GNAQ: variants seen among roughly 807,000 people sequenced by gnomAD.
GNAQ encodes G protein subunit alpha q, also known as guanine nucleotide-binding protein G(q) subunit alpha.
In GNAQ, 8 loss-of-function variants were observed where a neutral mutation model predicts 43.9. That is an observed-to-expected ratio of 0.18 (90% CI 0.11 to 0.33). The LOEUF (loss-of-function observed/expected upper bound fraction) is 0.33. Ranked by LOEUF, GNAQ falls within the 10% of genes least tolerant of loss-of-function variation. The probability of loss-of-function intolerance (pLI) is 1.00; values close to 1 mark genes in which losing one functional copy is unlikely to be tolerated. For synonymous variants in GNAQ, 155 were observed against 170.7 expected (o/e 0.91, Z 0.71); for missense variants, 158 against 450.8 (o/e 0.35, Z 5.88).
intron 2 of GNAQ, among the ~76,000 whole-genome samples, chr9:77,871,179 C>G (rs942006671): frequency 1.3e-5 from 2 of 152,194 alleles, no homozygotes; most frequent in Admixed American, 6.5e-5. Flanking sequence ...ATCCATATTA[C>G]AATTACACAT....
intron 1 of GNAQ, among the ~76,000 whole-genome samples, chr9:78,017,147 C>CT (rs2118594529): frequency 6.6e-6 from 1 of 152,260 alleles, no homozygotes; most frequent in East Asian, 1.9e-4. Flanking sequence ...TGGTACTGTG[C>CT]TGATATTTAA....
chr9:77,886,795 T>C (rs1828314199), intron 2 of GNAQ, among the ~76,000 whole-genome samples: 1 of 152,080 alleles, frequency 6.6e-6, no homozygotes. Context: ...GGATACAGCT[T>C]AGCATGTTAG....
intron 3 of GNAQ, among the ~76,000 whole-genome samples, chr9:77,810,236 ATC>A (rs1826898884): frequency 6.6e-6 from 1 of 151,184 alleles, no homozygotes; most frequent in African/African-American, 2.5e-5. Context: ...CTATCTATCT[ATC>A]TATCTATCTA....
intron 2 of GNAQ, among the ~76,000 whole-genome samples, chr9:77,887,899 C>A (rs1035324408): frequency 6.6e-6 from 1 of 152,122 alleles, no homozygotes; most frequent in Non-Finnish European, 1.5e-5. Context: ...CATTATGAGC[C>A]AAGTACTGGC....
intron 5 of GNAQ, among the ~76,000 whole-genome samples, chr9:77,756,386 A>T (rs1825904166): frequency 6.6e-6 from 1 of 152,230 alleles, no homozygotes; most frequent in African/African-American, 2.4e-5. Context: ...GTCTGCCCCT[A>T]TGGCACAGAC....
chr9:77,979,079 T>C (rs1293686180), intron 1 of GNAQ, among the ~76,000 whole-genome samples: 2 of 151,404 alleles, frequency 1.3e-5, no homozygotes, highest in Non-Finnish European at 2.9e-5. Flanking sequence ...AAAATTCGGC[T>C]GGGTGGTGGC....
At chr9:77,829,972 A>C (rs1458611805) in intron 2 of GNAQ, among the ~76,000 whole-genome samples, 1 of 151,604 alleles carries the variant, frequency 6.6e-6, no homozygotes, top group East Asian at 1.9e-4. Context: ...TTTTTTTGAG[A>C]CAGGGTCTTA....
chr9:77,794,366 GAAGT>G lies in GNAQ; in HGVS notation c.735+93_735+96del, dbSNP rs562469964. ...TAAAATCAAATTTCAAGAAAGCAAAGAAGTAAGTTCACTCCATTCCCCACACCCT... is the reference window on the plus strand; with the variant it reads ...TAAAATCAAATTTCAAGAAAGCAAAGAAGTTCACTCCATTCCCCACACCCT... On this transcript the variant is annotated intron_variant, in intron 5 of 6. Coordinates refer to ENST00000286548, the MANE Select transcript of GNAQ (RefSeq NM_002072.5). The G allele has an allele frequency of 4.4e-5, 35 of 793,726 alleles. No homozygotes were observed. The East Asian group carries it at 6.7e-4, about 15-fold the overall frequency. The allele number at this position is 793,726 out of a possible 1,614,324, so 49.2% of individuals were successfully genotyped here.
chr9:77,933,809 A>C (rs1829189778), intron 1 of GNAQ, among the ~76,000 whole-genome samples: 3 of 152,208 alleles, frequency 2.0e-5, no homozygotes, highest in African/African-American at 7.2e-5. Flanking sequence ...CACAGAATTT[A>C]ACATTTTTTT....
At chr9:77,762,852 A>G (rs1826073006) in intron 5 of GNAQ, among the ~76,000 whole-genome samples, 1 of 152,024 alleles carries the variant, frequency 6.6e-6, no homozygotes, top group African/African-American at 2.4e-5. Flanking sequence ...GGTTAAATGG[A>G]TTAAGGGCGG....
intron 1 of GNAQ, among the ~76,000 whole-genome samples, chr9:77,966,322 A>G (rs1406377012): frequency 6.6e-6 from 1 of 152,206 alleles, no homozygotes. Context: ...ACTGAGTATC[A>G]ATTACATCGC....
intron 5 of GNAQ, among the ~76,000 whole-genome samples, chr9:77,761,403 TGAG>T (rs1243330479): frequency 1.7e-5 from 2 of 117,126 alleles, no homozygotes; most frequent in East Asian, 2.9e-4. Flanking sequence ...TACTGGGAAG[TGAG>T]GAGCCCCTCT....
At chr9:77,827,243 C>T (rs527268890) in intron 2 of GNAQ, among the ~76,000 whole-genome samples, 1 of 151,700 alleles carries the variant, frequency 6.6e-6, no homozygotes, top group South Asian at 2.1e-4. Flanking sequence ...TATGGAAATA[C>T]ATGTGCGTGA....
At chr9:78,026,327 T>C (rs1332225078) in intron 1 of GNAQ, among the ~76,000 whole-genome samples, 2 of 152,172 alleles carry the variant, frequency 1.3e-5, no homozygotes, top group African/African-American at 4.8e-5. Context: ...TCCGAAGGCT[T>C]TGTTATACAG....
intron 2 of GNAQ, among the ~76,000 whole-genome samples, chr9:77,896,408 C>A (rs1028878962): frequency 1.3e-5 from 2 of 152,162 alleles, no homozygotes; most frequent in Non-Finnish European, 2.9e-5. Context: ...TTCATTTATT[C>A]TACGTTTTAA....
intron 4 of GNAQ, among the ~76,000 whole-genome samples, chr9:77,797,181 C>T (rs930101382): frequency 2.0e-5 from 3 of 151,920 alleles, no homozygotes; most frequent in Admixed American, 6.6e-5. Context: ...TACAGGTGCC[C>T]GCCAGCATGC....
chr9:77,912,056 T>A (rs1828814544), intron 2 of GNAQ, among the ~76,000 whole-genome samples: 1 of 152,196 alleles, frequency 6.6e-6, no homozygotes. Context: ...AAAAAAATGC[T>A]CTTCTTTAAA....
chr9:77,910,910 T>C (rs981212466), intron 2 of GNAQ, among the ~76,000 whole-genome samples: 2 of 152,218 alleles, frequency 1.3e-5, no homozygotes, highest in African/African-American at 2.4e-5. Context: ...AAGTTGTGTA[T>C]GACTCCAGTA....
intron 2 of GNAQ, among the ~76,000 whole-genome samples, chr9:77,898,556 G>A (rs1010536398): frequency 6.6e-6 from 1 of 152,172 alleles, no homozygotes; most frequent in Admixed American, 6.5e-5. Context: ...TTAGCACAAT[G>A]CATGGCATAT....
Sources: allele counts gnomAD v4.1 joint callset (sites outside exome capture counted in the v4.1 genomes callset), GRCh38; gene constraint gnomAD v4.1.1; transcripts MANE v1.5; gene names NCBI Gene and HGNC (gene_info 2026-07-23, HGNC 2026-07-21).